CHFR: variants seen among roughly 807,000 people sequenced by gnomAD.
CHFR encodes the protein E3 ubiquitin-protein ligase CHFR.
CHFR carries 57 observed loss-of-function variants against 87.6 expected under a neutral mutation model. That is an observed-to-expected ratio of 0.65 (90% CI 0.53 to 0.81). The LOEUF is 0.81. Among genes scored for constraint, CHFR ranks in the 30% least tolerant of loss-of-function variants. The probability of loss-of-function intolerance (pLI) is 0.00; values close to 1 mark genes in which losing one functional copy is unlikely to be tolerated. For missense variants in CHFR, 797 were observed against 865.8 expected (o/e 0.92, Z 1.00); for synonymous variants, 381 against 359.2 (o/e 1.06, Z -0.69).
At chr12:132,851,194 T>C (rs1302407055) in intron 12 of CHFR, among the ~76,000 whole-genome samples, 2 of 152,000 alleles carry the variant, frequency 1.3e-5, no homozygotes, top group African/African-American at 4.8e-5. Context: ...TTTCACCATA[T>C]TGCCCAGGCT....
chr12:132,856,674 T>C, intron 9 of CHFR, 44 bp from the exon 10 acceptor site: 5 of 1,600,762 alleles, frequency 3.1e-6, no homozygotes, highest in Non-Finnish European at 3.4e-6. Flanking sequence ...CAGTGAGACA[T>C]GGCAGGCAGA....
intron 7 of CHFR, among the ~76,000 whole-genome samples, chr12:132,859,654 T>C (rs1951171163): frequency 6.6e-6 from 1 of 152,186 alleles, no homozygotes; most frequent in Non-Finnish European, 1.5e-5. Flanking sequence ...CCCACCCTCT[T>C]CTGGTGTTTT....
chr12:132,860,793 C>A (rs1345301973), intron 7 of CHFR, among the ~76,000 whole-genome samples: 1 of 152,158 alleles, frequency 6.6e-6, no homozygotes, highest in Non-Finnish European at 1.5e-5. Context: ...GTTCTTGTTG[C>A]CCCGGCTGCA....
At position 132,851,702 on chromosome 12, in the gene CHFR, G is replaced by A. The variant is rs772460210; in HGVS notation, c.1408C>T (p.His470Tyr). 6.2e-7 allele frequency: 1 copy of A among 1,613,486 alleles called. No homozygotes were observed. The highest frequency in any genetic ancestry group is 8.5e-7 in the Non-Finnish European group (1 of 1,179,936). Residue 470 changes from histidine (H) to tyrosine (Y), a missense_variant, in exon 12 of 18, where the codon CAC (histidine) becomes TAC (tyrosine). This residue lies in a region of CHFR where 200 missense variants were observed against 264.6 expected (regional missense o/e 0.76). Coordinates refer to ENST00000450056, the MANE Select transcript of CHFR (RefSeq NM_001161346.2). Reference sequence around the variant, plus strand: ...TGGAAGCAGCAGGTGCACAGGGCGTGGCTTCCTTGCAGAGGGCACACGTAA... The same window carrying A: ...TGGAAGCAGCAGGTGCACAGGGCGTAGCTTCCTTGCAGAGGGCACACGTAA... Reference protein sequence around the residue: ...QDYVCPLQGSHALCTCCFQPM... With the variant: ...QDYVCPLQGSYALCTCCFQPM...
chr12:132,856,939 A>T (rs561113348), intron 9 of CHFR, among the ~76,000 whole-genome samples: 2 of 138,012 alleles, frequency 1.4e-5, no homozygotes, highest in African/African-American at 5.6e-5. Context: ...TGGTGGAGGG[A>T]CCACCCTCGC....
rs1950665550 is a variant in CHFR, at chr12:132,838,591, C to G, written c.*2963G>C. The G allele has an allele frequency of 6.6e-6, 1 of 152,526 alleles. No individual in the cohort carries two copies. 9.4% of individuals were successfully genotyped at this position (152,526 alleles called of 1,614,324 possible). On this transcript the variant is annotated 3_prime_UTR_variant, in exon 18 of 18. Transcript: ENST00000450056. Reference sequence around the variant, plus strand: ...GCCAGCGGGCAGCTGCAGCCCTGCCCTGGGTTTGTCCCAAGGCTGGGCCAA... The same window carrying G: ...GCCAGCGGGCAGCTGCAGCCCTGCCGTGGGTTTGTCCCAAGGCTGGGCCAA...
chr12:132,844,924 C>T lies in CHFR; in HGVS notation c.1736-790G>A, dbSNP rs549106804. Among the ~76,000 whole-genome samples, 16 of 152,218 alleles carry T rather than the reference C, an allele frequency of 1.1e-4. No homozygotes were observed. In the South Asian group the frequency reaches 1.2e-3, roughly 12 times the overall value. On this transcript the variant is annotated intron_variant, in intron 15 of 17. Coordinates refer to ENST00000450056, the MANE Select transcript of CHFR (RefSeq NM_001161346.2). ...CTGGGATTACAGGCGTGAGCCTCCACGCCCGGCCCCACATGGATATAAAAT... is the reference window on the plus strand; with the variant it reads ...CTGGGATTACAGGCGTGAGCCTCCATGCCCGGCCCCACATGGATATAAAAT...
intron 6 of CHFR, among the ~76,000 whole-genome samples, chr12:132,868,230 G>A (rs184328661): frequency 6.6e-6 from 1 of 152,320 alleles, no homozygotes; most frequent in African/African-American, 2.4e-5. Context: ...GGCAGCTCAC[G>A]CCTGTAATCC....
At chr12:132,879,764 T>C (rs1383725882) in intron 2 of CHFR, among the ~76,000 whole-genome samples, 1 of 152,212 alleles carries the variant, frequency 6.6e-6, no homozygotes, top group Non-Finnish European at 1.5e-5. Flanking sequence ...GGCGTTTTAA[T>C]ATCTCATCAT....
At chr12:132,857,606 C>T (rs1402284794) in intron 8 of CHFR, 47 bp from the exon 9 acceptor site, 3 of 1,585,862 alleles carry the variant, frequency 1.9e-6, no homozygotes, top group Non-Finnish European at 2.6e-6. Flanking sequence ...ACAGATGCAA[C>T]CGCGACCCTC....
At chr12:132,878,078 A>C (rs892467587) in intron 2 of CHFR, among the ~76,000 whole-genome samples, 16 of 152,182 alleles carry the variant, frequency 1.1e-4, no homozygotes, top group African/African-American at 3.6e-4. Flanking sequence ...CTGAGATTAC[A>C]GGCGTGAGCC....
intron 10 of CHFR, among the ~76,000 whole-genome samples, chr12:132,856,172 G>A (rs1451321662): frequency 1.3e-5 from 2 of 152,250 alleles, no homozygotes; most frequent in Non-Finnish European, 2.9e-5. Context: ...TCGAAGCAAA[G>A]GGAAGGGTGT....
intron 17 of CHFR, 28 bp from the exon 18 acceptor site, chr12:132,841,624 C>T (rs1950705432): frequency 2.5e-6 from 4 of 1,591,776 alleles, no homozygotes; most frequent in South Asian, 2.2e-5. Context: ...CCAAATTACA[C>T]AAGAGAGCAT....
intron 3 of CHFR, among the ~76,000 whole-genome samples, chr12:132,876,675 C>T (rs1566202408): frequency 1.3e-5 from 2 of 152,202 alleles, no homozygotes; most frequent in Non-Finnish European, 2.9e-5. Context: ...AATTTGAATA[C>T]ATTCAAGAAG....
rs753060082 is a variant in CHFR, at chr12:132,872,399, A to C, written c.234-5T>G. 40 of 1,592,340 alleles carry C rather than the reference A, an allele frequency of 2.5e-5. No individual in the cohort carries two copies. The highest frequency in any genetic ancestry group is 3.4e-5 in the Non-Finnish European group (40 of 1,161,676). On this transcript the variant is annotated splice_polypyrimidine_tract_variant and splice_region_variant and intron_variant, in intron 3 of 17. Transcript: ENST00000450056. ...TTAATCACTGTTCCACTGGTGCTGTAAAAAAACAAAAACACAATTTATTCT... is the reference window on the plus strand; with the variant it reads ...TTAATCACTGTTCCACTGGTGCTGTCAAAAAACAAAAACACAATTTATTCT...
chr12:132,857,160 T>G (rs1297896055), intron 9 of CHFR, among the ~76,000 whole-genome samples: 4 of 94,198 alleles, frequency 4.2e-5, no homozygotes, highest in Non-Finnish European at 6.2e-5. Context: ...CGGGTGCTGC[T>G]GGGTGGATGC....
At chr12:132,868,308 G>T (rs537786958) in intron 6 of CHFR, among the ~76,000 whole-genome samples, 3 of 152,288 alleles carry the variant, frequency 2.0e-5, no homozygotes, top group African/African-American at 7.2e-5. Flanking sequence ...GGCTAACACG[G>T]TGAAACTCCG....
intron 14 of CHFR, 197 bp from the exon 15 acceptor site, chr12:132,847,327 G>C (rs1368674507): frequency 7.5e-7 from 1 of 1,335,768 alleles, no homozygotes; most frequent in Admixed American, 3.1e-5. Context: ...CCTCCTGGAA[G>C]TCCCAAAAGG....
intron 12 of CHFR, chr12:132,849,453 A>C (rs942523145): frequency 6.6e-6 from 1 of 152,328 alleles, no homozygotes; most frequent in African/African-American, 2.4e-5. Context: ...CTTAAACTGA[A>C]CACCACATGC....
Sources: gnomAD v4.1 joint callset for allele counts (sites outside exome capture counted in the v4.1 genomes callset) on GRCh38, gnomAD v4.1.1 for gene constraint, gnomAD v4.1.1 regional missense constraint, MANE v1.5 for transcripts, NCBI Gene and HGNC (gene_info 2026-07-23, HGNC 2026-07-21) for gene names.